OSMR: variants seen among roughly 807,000 people sequenced by gnomAD.
OSMR encodes oncostatin M receptor, also known as oncostatin-M-specific receptor subunit beta.
In OSMR, 81 loss-of-function variants were observed where a neutral mutation model predicts 99.9. That is an observed-to-expected ratio of 0.81 (90% CI 0.68 to 0.97). The LOEUF is 0.97. Ranked by LOEUF, OSMR falls within the 50% of genes least tolerant of loss-of-function variation. The pLI, the probability that OSMR is intolerant of heterozygous loss-of-function variation, is 0.00. For synonymous variants in OSMR, 406 were observed against 410.4 expected (o/e 0.99, Z 0.13); for missense variants, 1,099 against 1,153.4 (o/e 0.95, Z 0.68).
downstream of OSMR, chr5:38,939,720 A>G (rs1747329867): frequency 4.4e-6 from 1 of 229,576 alleles, no homozygotes; most frequent in Non-Finnish European, 8.6e-6. Context: ...ATTTATATGG[A>G]CTAAGATTAA....
intron 6 of OSMR, among the ~76,000 whole-genome samples, chr5:38,885,718 A>G (rs1027778336): frequency 2.0e-5 from 3 of 152,226 alleles, no homozygotes; most frequent in African/African-American, 7.2e-5. Flanking sequence ...GTTAATGTAT[A>G]CCTTGACGTG....
chr5:38,924,542 T>C lies in OSMR; in HGVS notation c.1991T>C (p.Leu664Pro). ...PGFIQGYHVY[L>P]KSKARQCHPR... ...TTTATACAAGGGTACCATGTCTATC[T>C]GAAATCCAAGGCGAGGCAGTGCCAC... Residue 664 changes from leucine (L) to proline (P), a missense_variant, in exon 14 of 18, where the codon CTG (leucine) becomes CCG (proline). Leu to Pro is a moderately conservative substitution (Grantham distance 98). Transcript: ENST00000274276. 2 of 1,614,186 alleles carry C rather than the reference T, an allele frequency of 1.2e-6. No homozygotes were observed. The highest frequency in any genetic ancestry group is 4.5e-5 in the East Asian group (2 of 44,888).
At position 38,918,857 on chromosome 5, in the gene OSMR, T is replaced by C; in HGVS notation, c.1380T>C (p.His460=). 1 of 1,614,094 alleles carries C rather than the reference T, an allele frequency of 6.2e-7. No homozygotes were observed. The highest frequency in any genetic ancestry group is 8.5e-7 in the Non-Finnish European group (1 of 1,179,948). ...TLFWKPLSKL[H]ANGKILFYNV... is the part of the protein sequence containing the mutation. ...TTTTTCAGCCATTATCAAAACTGCATGCCAATGGAAAGATCCTGTTCTATA... is the reference window on the plus strand; with the variant it reads ...TTTTTCAGCCATTATCAAAACTGCACGCCAATGGAAAGATCCTGTTCTATA... Residue 460 remains histidine (H), a synonymous_variant, in exon 11 of 18, where the codon CAT becomes CAC. Coordinates refer to ENST00000274276, the MANE Select transcript of OSMR (RefSeq NM_003999.3).
At chr5:38,898,601 G>A (rs1270961550) in intron 7 of OSMR, among the ~76,000 whole-genome samples, 1 of 152,056 alleles carries the variant, frequency 6.6e-6, no homozygotes, top group Non-Finnish European at 1.5e-5. Context: ...TACACTCAAT[G>A]TTATTATTGA....
downstream of OSMR, chr5:38,938,126 A>G: frequency 4.7e-6 from 1 of 212,212 alleles, no homozygotes; most frequent in East Asian, 7.1e-5. Context: ...TACAGAAAAA[A>G]TATAAATACT....
chr5:38,866,965 C>G (rs1741998138), intron 1 of OSMR, among the ~76,000 whole-genome samples: 1 of 152,158 alleles, frequency 6.6e-6, no homozygotes, highest in South Asian at 2.1e-4. Flanking sequence ...ACCTCTCTCT[C>G]CTTCTCAGGG....
intron 1 of OSMR, 104 bp downstream of exon 1, chr5:38,846,491 T>C (rs1394996517): frequency 1.3e-5 from 2 of 152,428 alleles, no homozygotes; most frequent in East Asian, 3.9e-4. Context: ...TTTTCTCAAA[T>C]GATGGTGGAA....
intron 1 of OSMR, among the ~76,000 whole-genome samples, chr5:38,848,988 G>A (rs578158898): frequency 1.3e-5 from 2 of 152,000 alleles, no homozygotes; most frequent in East Asian, 1.9e-4. Flanking sequence ...ATGATGCCCA[G>A]ACTGGTCTTG....
intron 7 of OSMR, among the ~76,000 whole-genome samples, chr5:38,890,780 C>T (rs979772446): frequency 6.6e-6 from 1 of 151,804 alleles, no homozygotes; most frequent in East Asian, 1.9e-4. Flanking sequence ...CTCTATATAC[C>T]AGCATTTAAA....
chr5:38,917,719 G>GTCCC, intron 10 of OSMR, 97 bp downstream of exon 10: 1 of 938,188 alleles, frequency 1.1e-6, no homozygotes, highest in Non-Finnish European at 1.7e-6. Flanking sequence ...TTGGTTCAGT[G>GTCCC]TCCCAACTGG....
intron 15 of OSMR, among the ~76,000 whole-genome samples, chr5:38,925,783 C>G (rs1214216802): frequency 6.6e-6 from 1 of 152,184 alleles, no homozygotes; most frequent in African/African-American, 2.4e-5. Context: ...TTCTCTGCAG[C>G]TAGCTTTCCT....
chr5:38,897,883 C>T (rs975656749), intron 7 of OSMR, among the ~76,000 whole-genome samples: 35 of 152,038 alleles, frequency 2.3e-4, no homozygotes, highest in African/African-American at 7.5e-4. Context: ...GGGAGCATAT[C>T]GTTTAATTTC....
chr5:38,875,074 G>A (rs879470106), intron 2 of OSMR, among the ~76,000 whole-genome samples: 3 of 152,216 alleles, frequency 2.0e-5, no homozygotes, highest in Non-Finnish European at 2.9e-5. Flanking sequence ...CGTTTGAGGG[G>A]TTCAAATGAC....
intron 17 of OSMR, 125 bp downstream of exon 17, chr5:38,932,660 C>T (rs1746810469): frequency 1.3e-6 from 2 of 1,540,196 alleles, no homozygotes; most frequent in Admixed American, 2.0e-5. Flanking sequence ...GCCATCTTTG[C>T]ACCCACAGCC....
rs879115284 is a variant in OSMR at position 38,933,594 on chromosome 5, GCCAGAGGCTATGGAA to G, written c.*152_*166del. 6.0e-6 allele frequency: 5 copies of G among 834,654 alleles called. No homozygotes were observed. In the South Asian group the frequency reaches 7.7e-5, roughly 13 times the overall value. 51.7% of individuals were successfully genotyped at this position (834,654 alleles called of 1,614,324 possible). A position where few individuals can be genotyped will look rare whatever the true frequency, so the allele number is the denominator to read the frequency against. On this transcript the variant is annotated 3_prime_UTR_variant, in exon 18 of 18. Coordinates refer to ENST00000274276, the MANE Select transcript of OSMR (RefSeq NM_003999.3). ...CCACTACAGTCTGGCTAGGTTAAAG[GCCAGAGGCTATGGAA>G]CTTAACACTCCCCATTGGAGCAAGC...
At chr5:38,880,109 C>T (rs527561291) in intron 3 of OSMR, among the ~76,000 whole-genome samples, 2 of 152,166 alleles carry the variant, frequency 1.3e-5, no homozygotes, top group Middle Eastern at 6.8e-3. Flanking sequence ...ATTAAATGCC[C>T]CCTGGGTGGA....
chr5:38,933,524 T>C lies in OSMR; in HGVS notation c.*80T>C. The C allele has an allele frequency of 1.3e-6, 2 of 1,494,226 alleles. No homozygotes were observed. The highest frequency in any genetic ancestry group is 2.3e-5 in the South Asian group (2 of 88,230). 92.6% of individuals were successfully genotyped at this position (1,494,226 alleles called of 1,614,324 possible). A position where few individuals can be genotyped will look rare whatever the true frequency, so the allele number is the denominator to read the frequency against. ...GGCACCCTGTCATCACCAGTGGCCT[T>C]GGTCCTTAATCCCAGTACGATTTGC... On this transcript the variant is annotated 3_prime_UTR_variant, in exon 18 of 18. Transcript: ENST00000274276.
chr5:38,923,285 T>G, intron 13 of OSMR, 31 bp downstream of exon 13: 1 of 1,297,940 alleles, frequency 7.7e-7, no homozygotes, highest in Non-Finnish European at 1.1e-6. Flanking sequence ...GTGCCCCATG[T>G]GCAGACTTGT....
downstream of OSMR, among the ~76,000 whole-genome samples, chr5:38,936,871 ATATTT>A (rs1747070816): frequency 1.3e-5 from 2 of 152,322 alleles, no homozygotes; most frequent in South Asian, 2.1e-4. Flanking sequence ...TTGTTTTAGT[ATATTT>A]TAGTTTCTTA....
Sources: allele counts gnomAD v4.1 joint callset (sites outside exome capture counted in the v4.1 genomes callset), GRCh38; gene constraint gnomAD v4.1.1; transcripts MANE v1.5; gene names NCBI Gene and HGNC (gene_info 2026-07-23, HGNC 2026-07-21).